The following ARHGAP8 variants were observed in gnomAD, a reference collection of about 807,000 sequenced individuals.
ARHGAP8 encodes rho GTPase-activating protein 8.
In ARHGAP8, 62 loss-of-function variants were observed where a neutral mutation model predicts 46.1. The ratio of observed to expected loss-of-function variants is 1.34; its 90% CI spans 1.10 to 1.66. The LOEUF (loss-of-function observed/expected upper bound fraction) is 1.66, where lower values mean the gene tolerates loss of function less well. Ranked by LOEUF, ARHGAP8 falls within the 40% of genes most tolerant of loss-of-function variation. ARHGAP8 has a pLI of 0.00. For synonymous variants in ARHGAP8, 375 were observed against 243.1 expected, an observed-to-expected ratio of 1.54 and a Z score of -5.05; for missense variants, 923 against 568.4, an observed-to-expected ratio of 1.62 and a Z score of -6.34.
intron 2 of ARHGAP8, among the ~76,000 whole-genome samples, chr22:44,793,687 G>T (rs2147063345): frequency 6.6e-6 from 1 of 152,292 alleles, no homozygotes; most frequent in East Asian, 1.9e-4. Flanking sequence ...CATAAACCAG[G>T]CTTCTCCTAT....
intron 10 of ARHGAP8, among the ~76,000 whole-genome samples, chr22:44,856,998 T>C (rs1037853917): frequency 2.8e-5 from 4 of 141,066 alleles, no homozygotes; most frequent in Admixed American, 2.1e-4. Context: ...TGGAGTGCAA[T>C]GGTGCAATCT....
At chr22:44,815,939 C>T (rs118142509) in intron 5 of ARHGAP8, among the ~76,000 whole-genome samples, 2,413 of 152,198 alleles carry the variant, frequency 0.016, 25 homozygotes, top group Middle Eastern at 0.044. Context: ...GAGGGAGGGG[C>T]TCAGAGCAGG....
chr22:44,859,776 G>T lies in ARHGAP8; in HGVS notation c.923G>T (p.Arg308Leu). ...GTCACTGGCTGCCGCCAGATCTTAC[G>T]GAGCCTCCCAGAGCACAACTACGTC... ...LRVTGCRQIL[R>L]SLPEHNYVVL... The change falls in exon 11 of 12, where the codon CGG becomes CTG. Residue 308 changes from arginine to leucine, a missense_variant. Transcript: ENST00000356099. 3 of 1,614,098 alleles carry T rather than the reference G, an allele frequency of 1.9e-6. No individual in the cohort carries two copies. Among genetic ancestry groups the T allele is most frequent in the Non-Finnish European group, 2.5e-6 (3 of 1,180,036 alleles).
At chr22:44,798,069 C>A (rs1372027808) in intron 2 of ARHGAP8, among the ~76,000 whole-genome samples, 1 of 151,536 alleles carries the variant, frequency 6.6e-6, no homozygotes, top group African/African-American at 2.4e-5. Flanking sequence ...CTCCACCTCC[C>A]GAGTTCAAGA....
intron 7 of ARHGAP8, among the ~76,000 whole-genome samples, chr22:44,844,060 C>T (rs920720778): frequency 2.6e-5 from 4 of 152,306 alleles, no homozygotes; most frequent in African/African-American, 9.6e-5. Context: ...CAACTTCCGC[C>T]TCCTGGGTTC....
intron 6 of ARHGAP8, among the ~76,000 whole-genome samples, chr22:44,825,277 C>G (rs555443803): frequency 6.6e-5 from 10 of 152,172 alleles, no homozygotes; most frequent in African/African-American, 2.4e-4. Context: ...GGTTGGACTA[C>G]TGCCTCTTAT....
intron 10 of ARHGAP8, among the ~76,000 whole-genome samples, chr22:44,851,391 A>G (rs2070089370): frequency 7.1e-6 from 1 of 140,490 alleles, no homozygotes. Context: ...GGAGCCTTTT[A>G]AATATTTATT....
intron 1 of ARHGAP8, among the ~76,000 whole-genome samples, chr22:44,783,481 A>G (rs937148764): frequency 6.6e-6 from 1 of 152,106 alleles, no homozygotes; most frequent in Non-Finnish European, 1.5e-5. Context: ...TGGAAGCCCC[A>G]TCAGGCAGGC....
At chr22:44,789,623 T>C (rs1927518390) in intron 2 of ARHGAP8, among the ~76,000 whole-genome samples, 1 of 152,040 alleles carries the variant, frequency 6.6e-6, no homozygotes, top group East Asian at 1.9e-4. Context: ...CTCAGCTTCT[T>C]ATGTAGCTGG....
intron 1 of ARHGAP8, among the ~76,000 whole-genome samples, chr22:44,771,242 A>ATTTTTTTT (rs368256843): frequency 8.3e-5 from 9 of 108,296 alleles, no homozygotes; most frequent in South Asian, 3.3e-4. Context: ...TTGCAAGTAA[A>ATTTTTTTT]TTTTTTTTTT....
intron 10 of ARHGAP8, among the ~76,000 whole-genome samples, chr22:44,856,211 T>C (rs1379763115): frequency 1.3e-5 from 2 of 148,164 alleles, no homozygotes; most frequent in Admixed American, 1.4e-4. Flanking sequence ...ATCCAACATA[T>C]CAGAGTGCAG....
intron 7 of ARHGAP8, among the ~76,000 whole-genome samples, chr22:44,839,104 G>T (rs1334074094): frequency 6.6e-6 from 1 of 152,064 alleles, no homozygotes; most frequent in Non-Finnish European, 1.5e-5. Context: ...CTGTAACTTT[G>T]GCACATCCTG....
intron 1 of ARHGAP8, among the ~76,000 whole-genome samples, chr22:44,777,568 C>T (rs934495620): frequency 4.5e-4 from 69 of 152,150 alleles, no homozygotes; most frequent in African/African-American, 1.6e-3. Flanking sequence ...CTGCTCGTTA[C>T]CCATTTAACA....
Position 44,786,491 on chromosome 22 carries a change from G to T in ARHGAP8, c.-37G>T. 1 of 1,611,942 alleles carries T rather than the reference G, an allele frequency of 6.2e-7. No homozygotes were observed. The highest frequency in any genetic ancestry group is 8.5e-7 in the Non-Finnish European group (1 of 1,179,270). On this transcript the variant is annotated 5_prime_UTR_variant, in exon 2 of 12. Transcript: ENST00000356099. ...GAGACAAGGCGGCGGCGGCTGCTGTGCTGGGTGCAGTGAGGAAGAGGCCCT... is the reference window on the plus strand; with the variant it reads ...GAGACAAGGCGGCGGCGGCTGCTGTTCTGGGTGCAGTGAGGAAGAGGCCCT...
chr22:44,784,826 G>A (rs1463283322), intron 1 of ARHGAP8, among the ~76,000 whole-genome samples: 1 of 152,162 alleles, frequency 6.6e-6, no homozygotes, highest in Non-Finnish European at 1.5e-5. Flanking sequence ...CCTCACTGCC[G>A]GAAAGTGTTC....
chr22:44,797,262 A>G (rs1928159641), intron 2 of ARHGAP8, among the ~76,000 whole-genome samples: 1 of 141,370 alleles, frequency 7.1e-6, no homozygotes, highest in African/African-American at 2.7e-5. Context: ...TTCTCTTTCA[A>G]CCCTAAAGGC....
At chr22:44,859,923 G>T in intron 11 of ARHGAP8, 89 bp downstream of exon 11, 2 of 1,450,300 alleles carry the variant, frequency 1.4e-6, no homozygotes, top group East Asian at 2.3e-5. Context: ...TCCTTGCCCT[G>T]GGTCTGGGGT....
chr22:44,859,955 A>G (rs2070387285), intron 11 of ARHGAP8, 121 bp downstream of exon 11: 1 of 1,172,260 alleles, frequency 8.5e-7, no homozygotes, highest in Non-Finnish European at 1.2e-6. Context: ...TGGGCCTCGG[A>G]ATACCACTCC....
chr22:44,862,191 C>CCT, intron 11 of ARHGAP8, 84 bp from the exon 12 acceptor site: 1 of 1,493,736 alleles, frequency 6.7e-7, no homozygotes, highest in East Asian at 2.3e-5. Context: ...TACACCTACG[C>CCT]CTCTCCCTAA....
Sources: gnomAD v4.1 joint callset for allele counts (sites outside exome capture counted in the v4.1 genomes callset) on GRCh38, gnomAD v4.1.1 for gene constraint, MANE v1.5 for transcripts, NCBI Gene and HGNC (gene_info 2026-07-23, HGNC 2026-07-21) for gene names.